TANC2: variants seen among roughly 807,000 people sequenced by gnomAD.
TANC2 encodes tetratricopeptide repeat, ankyrin repeat and coiled-coil containing 2.
TANC2 carries 26 observed loss-of-function variants against 210.5 expected under a neutral mutation model. The ratio of observed to expected loss-of-function variants is 0.12; its 90% confidence interval spans 0.09 to 0.17. The LOEUF (loss-of-function observed/expected upper bound fraction) is 0.17, where lower values mean the gene tolerates loss of function less well. Among genes scored for constraint, TANC2 ranks in the 10% least tolerant of loss-of-function variants. TANC2 has a pLI of 1.00. For missense variants in TANC2, 2,129 were observed against 2,608.9 expected, an observed-to-expected ratio of 0.82 and a Z score of 4.01; for synonymous variants, 931 against 967.1, an observed-to-expected ratio of 0.96 and a Z score of 0.69.
At chr17:63,138,519 C>A (rs577114589) in intron 4 of TANC2, among the ~76,000 whole-genome samples, 1 of 152,142 alleles carries the variant, frequency 6.6e-6, no homozygotes, top group Admixed American at 6.6e-5. Context: ...TCTGCTTGGA[C>A]GGTTGTTGGA....
intron 9 of TANC2, among the ~76,000 whole-genome samples, chr17:63,308,259 T>C (rs191603902): frequency 4.0e-4 from 61 of 152,294 alleles, no homozygotes; most frequent in African/African-American, 1.5e-3. Context: ...ACTGGAAAAA[T>C]CTTTGGCTTC....
chr17:63,002,865 A>G (rs2033449674), intron 1 of TANC2, among the ~76,000 whole-genome samples: 1 of 152,176 alleles, frequency 6.6e-6, no homozygotes, highest in Non-Finnish European at 1.5e-5. Flanking sequence ...TGAATATCCC[A>G]TAGTTTATTC....
At chr17:63,157,500 A>C (rs1440354088) in intron 5 of TANC2, among the ~76,000 whole-genome samples, 1 of 152,198 alleles carries the variant, frequency 6.6e-6, no homozygotes, top group African/African-American at 2.4e-5. Flanking sequence ...GTTCTGGTTT[A>C]GAGTAAAATG....
intron 18 of TANC2, among the ~76,000 whole-genome samples, chr17:63,398,442 C>T (rs913800279): frequency 6.7e-6 from 1 of 148,488 alleles, no homozygotes; most frequent in African/African-American, 2.5e-5. Context: ...GGTGACAGAA[C>T]GAGACCCTGT....
At chr17:63,148,855 C>T (rs2039551507) in intron 4 of TANC2, 1 of 152,148 alleles carries the variant, frequency 6.6e-6, no homozygotes, top group Non-Finnish European at 1.5e-5. Context: ...TCTATGTTCT[C>T]CACCAAGCAA....
At chr17:63,324,530 A>G (rs994670552) in intron 11 of TANC2, among the ~76,000 whole-genome samples, 6 of 152,216 alleles carry the variant, frequency 3.9e-5, no homozygotes, top group African/African-American at 1.4e-4. Context: ...ATAATGAAGA[A>G]TAAGATTTTA....
At chr17:63,268,623 G>A (rs2043601945) in intron 9 of TANC2, among the ~76,000 whole-genome samples, 1 of 152,090 alleles carries the variant, frequency 6.6e-6, no homozygotes, top group Non-Finnish European at 1.5e-5. Flanking sequence ...TTTTGTTTTA[G>A]TGGCCATTTC....
At position 63,200,500 on chromosome 17, in the gene TANC2, A is replaced by G. The variant is rs564125248; in HGVS notation, c.583-271A>G. Among the ~76,000 whole-genome samples the G allele has an allele frequency of 2.2e-4, 33 of 152,312 alleles. No homozygotes were observed. In the East Asian group the frequency reaches 5.8e-3, roughly 27 times the overall value. On this transcript the variant is annotated intron_variant, in intron 6 of 27. Transcript: ENST00000689528. ...GCTTAATAAAAAATTTCTCTATTCT[A>G]TTAATGAATGGCAGTGATAGGGTAC...
At chr17:63,341,309 C>T (rs907328733) in intron 12 of TANC2, among the ~76,000 whole-genome samples, 1 of 152,160 alleles carries the variant, frequency 6.6e-6, no homozygotes, top group Non-Finnish European at 1.5e-5. Flanking sequence ...TAAACATTGC[C>T]GTTTCTCCAC....
intron 1 of TANC2, chr17:62,967,657 AT>A (rs1481032330): frequency 6.6e-6 from 1 of 152,188 alleles, no homozygotes; most frequent in Non-Finnish European, 1.5e-5. Flanking sequence ...CCTTTTCCTG[AT>A]TTTTACACAG....
At chr17:63,126,476 C>T (rs766075424) in intron 4 of TANC2, among the ~76,000 whole-genome samples, 45 of 152,160 alleles carry the variant, frequency 3.0e-4, no homozygotes, top group Non-Finnish European at 5.7e-4. Context: ...GGTGCAGTCT[C>T]GGCTCACTTG....
chr17:63,056,746 T>C (rs1419872283), intron 2 of TANC2, among the ~76,000 whole-genome samples: 1 of 152,224 alleles, frequency 6.6e-6, no homozygotes, highest in African/African-American at 2.4e-5. Flanking sequence ...TTTTTTTGTC[T>C]TAACATCATT....
intron 2 of TANC2, among the ~76,000 whole-genome samples, chr17:63,019,524 T>G (rs966674072): frequency 6.6e-6 from 1 of 152,160 alleles, no homozygotes; most frequent in Non-Finnish European, 1.5e-5. Flanking sequence ...GGCTTTATGT[T>G]AGCTATTTTG....
intron 11 of TANC2, among the ~76,000 whole-genome samples, chr17:63,327,602 C>A (rs1295853514): frequency 6.6e-6 from 1 of 152,082 alleles, no homozygotes; most frequent in African/African-American, 2.4e-5. Context: ...ATAAATTGTT[C>A]TATATATAAA....
intron 1 of TANC2, among the ~76,000 whole-genome samples, chr17:62,977,359 G>T (rs2032065521): frequency 6.6e-6 from 1 of 152,064 alleles, no homozygotes. Flanking sequence ...TGATAAGTTT[G>T]TGCTAGTTAT....
intron 17 of TANC2, among the ~76,000 whole-genome samples, chr17:63,395,271 T>A (rs1311428516): frequency 6.6e-6 from 1 of 152,246 alleles, no homozygotes; most frequent in Admixed American, 6.5e-5. Flanking sequence ...AGTTTGGTGG[T>A]CAAATGATTC....
At chr17:63,113,600 T>C (rs1489679717) in intron 4 of TANC2, among the ~76,000 whole-genome samples, 8 of 152,144 alleles carry the variant, frequency 5.3e-5, no homozygotes, top group Admixed American at 5.2e-4. Flanking sequence ...CTCAACCTCC[T>C]GGGGTCAAGA....
intron 1 of TANC2, among the ~76,000 whole-genome samples, chr17:62,993,318 G>GT (rs1314194562): frequency 2.6e-5 from 4 of 152,216 alleles, no homozygotes; most frequent in Non-Finnish European, 4.4e-5. Context: ...GTCCCTTGCC[G>GT]TTTCCACATT....
chr17:63,058,761 A>G (rs1224205826), intron 2 of TANC2, among the ~76,000 whole-genome samples: 5 of 151,820 alleles, frequency 3.3e-5, no homozygotes, highest in Non-Finnish European at 4.4e-5. Context: ...TGGGTTCTCT[A>G]TTCTCATCTA....
Sources: gnomAD v4.1 joint callset for allele counts (sites outside exome capture counted in the v4.1 genomes callset) on GRCh38, gnomAD v4.1.1 for gene constraint, MANE v1.5 for transcripts, NCBI Gene and HGNC (gene_info 2026-07-23, HGNC 2026-07-21) for gene names.